EPB41: variants seen among roughly 807,000 people sequenced by gnomAD.
EPB41 encodes erythrocyte membrane protein band 4.1.
EPB41 carries 65 observed loss-of-function variants against 108.0 expected under a neutral mutation model. The ratio of observed to expected loss-of-function variants is 0.60; its 90% CI spans 0.49 to 0.74. The LOEUF (loss-of-function observed/expected upper bound fraction) is 0.74. Ranked by LOEUF, EPB41 falls within the 30% of genes least tolerant of loss-of-function variation. The probability of loss-of-function intolerance (pLI) is 0.00; values close to 1 mark genes in which losing one functional copy is unlikely to be tolerated. For synonymous variants in EPB41, 336 were observed against 358.9 expected (o/e 0.94, Z 0.72); for missense variants, 875 against 1,037.0 (o/e 0.84, Z 2.15).
chr1:28,994,035 C>CTT (rs1410983506), intron 3 of EPB41, among the ~76,000 whole-genome samples: 1 of 152,052 alleles, frequency 6.6e-6, no homozygotes, highest in African/African-American at 2.4e-5. Flanking sequence ...ATGAGTAAGT[C>CTT]TTTAAGTCCA....
intron 3 of EPB41, among the ~76,000 whole-genome samples, chr1:28,996,962 G>A (rs1024117747): frequency 2.0e-5 from 3 of 152,084 alleles, no homozygotes; most frequent in Non-Finnish European, 2.9e-5. Context: ...AAACCAGCCC[G>A]GGCAACATAA....
At chr1:29,099,537 C>T (rs1184175564) in intron 17 of EPB41, among the ~76,000 whole-genome samples, 2 of 152,124 alleles carry the variant, frequency 1.3e-5, no homozygotes, top group Non-Finnish European at 1.5e-5. Context: ...TGGCTGATCT[C>T]AAATTCCTGG....
At chr1:28,962,695 A>G (rs1270266591) in intron 1 of EPB41, among the ~76,000 whole-genome samples, 3 of 151,112 alleles carry the variant, frequency 2.0e-5, no homozygotes, top group African/African-American at 7.4e-5. Context: ...GGATTTGACT[A>G]GGTTAGAACT....
chr1:28,975,697 G>A (rs1025837639), intron 1 of EPB41, among the ~76,000 whole-genome samples: 1 of 152,038 alleles, frequency 6.6e-6, no homozygotes, highest in Non-Finnish European at 1.5e-5. Flanking sequence ...GGCCAGGCGC[G>A]GTGGCTCACG....
chr1:29,022,401 A>G (rs2150127621), intron 7 of EPB41, among the ~76,000 whole-genome samples: 1 of 149,488 alleles, frequency 6.7e-6, no homozygotes, highest in Non-Finnish European at 1.5e-5. Context: ...AGAAACTGCC[A>G]TTGATAAGTT....
intron 15 of EPB41, among the ~76,000 whole-genome samples, chr1:29,062,041 G>A (rs932395139): frequency 3.3e-5 from 5 of 152,160 alleles, no homozygotes; most frequent in African/African-American, 9.7e-5. Flanking sequence ...TGTATTGCGT[G>A]GTGGGTGAAA....
At chr1:29,057,373 C>CAACA (rs1645690614) in intron 12 of EPB41, among the ~76,000 whole-genome samples, 3 of 65,294 alleles carry the variant, frequency 4.6e-5, no homozygotes, top group Non-Finnish European at 8.7e-5. Context: ...GACTCTGTCT[C>CAACA]AAAAAAAAAA....
intron 1 of EPB41, among the ~76,000 whole-genome samples, chr1:28,925,804 T>C (rs1216308837): frequency 6.6e-6 from 1 of 152,196 alleles, no homozygotes; most frequent in East Asian, 1.9e-4. Context: ...TTATTGCCTG[T>C]GTTAATGACT....
chr1:28,989,479 A>C lies in EPB41; in HGVS notation c.468+1574A>C, dbSNP rs1009303782. ...CTGACAGTGTTGGGGGGAAAAAAGT[A>C]AAAGTCCTACATGTTTCTATTATAG... On this transcript the variant is annotated intron_variant, in intron 2 of 20. Transcript: ENST00000343067. The C allele has an allele frequency of 1.4e-4, 108 of 749,270 alleles. 1 individual carries two copies. The African/African-American group carries it at 1.8e-3, about 13-fold the overall frequency. 46.4% of individuals were successfully genotyped at this position (749,270 alleles called of 1,614,324 possible).
intron 16 of EPB41, among the ~76,000 whole-genome samples, chr1:29,083,531 T>C (rs1461593608): frequency 6.6e-6 from 1 of 152,222 alleles, no homozygotes; most frequent in Non-Finnish European, 1.5e-5. Flanking sequence ...CTGCTTGACT[T>C]GTCATCTTTA....
At chr1:28,971,905 CT>C (rs1334210325) in intron 1 of EPB41, among the ~76,000 whole-genome samples, 8 of 151,834 alleles carry the variant, frequency 5.3e-5, no homozygotes, top group Admixed American at 3.3e-4. Flanking sequence ...CACTTTGACA[CT>C]TTTTTTTCTT....
chr1:29,077,227 T>C (rs941448383), intron 16 of EPB41, among the ~76,000 whole-genome samples: 2 of 152,158 alleles, frequency 1.3e-5, no homozygotes, highest in African/African-American at 4.8e-5. Flanking sequence ...TATACCCTTA[T>C]GGTAGGTGTC....
rs1368659415 is a variant in EPB41 at position 29,119,955 on chromosome 1, C to A, written c.*3143C>A. On this transcript the variant is annotated 3_prime_UTR_variant, in exon 21 of 21. Transcript: ENST00000343067. ...AATCAAGTCTGCTGTTTTGGCCTTT[C>A]GTAGTAGAAGTGGTTGTAGTGTTTA... The A allele has an allele frequency of 6.6e-6, 1 of 152,588 alleles. No homozygotes were observed. Among genetic ancestry groups the A allele is most frequent in the Admixed American group, 6.5e-5 (1 of 15,270 alleles). 9.5% of individuals were successfully genotyped at this position (152,588 alleles called of 1,614,324 possible). A position where few individuals can be genotyped will look rare whatever the true frequency, so the allele number is the denominator to read the frequency against.
chr1:29,053,284 C>T lies in EPB41; in HGVS notation c.1817C>T (p.Ala606Val), dbSNP rs1644824732. ...AAGGAAGACGAGCCACCTGAGCAAG[C>T]TGAGCCAGAGCCCACAGAAGCATGG... ...VKKEDEPPEQ[A>V]EPEPTEAWKV... The change falls in exon 12 of 21, where the codon GCT becomes GTT. Residue 606 changes from alanine to valine, a missense_variant. Transcript: ENST00000343067. 1 of 1,614,068 alleles carries T rather than the reference C, an allele frequency of 6.2e-7. No individual in the cohort carries two copies. The highest frequency in any genetic ancestry group is 8.5e-7 in the Non-Finnish European group (1 of 1,180,044).
At chr1:28,960,001 CTT>C (rs776338332) in intron 1 of EPB41, among the ~76,000 whole-genome samples, 26 of 128,188 alleles carry the variant, frequency 2.0e-4, no homozygotes, top group Non-Finnish European at 2.5e-4. Flanking sequence ...TTTTTCTTTT[CTT>C]TTTTTTTTTT....
intron 12 of EPB41, among the ~76,000 whole-genome samples, chr1:29,056,125 T>G (rs1434998809): frequency 2.7e-5 from 4 of 150,904 alleles, no homozygotes; most frequent in African/African-American, 9.8e-5. Flanking sequence ...TCTCAGCTAC[T>G]CGGGAGGCCG....
Position 28,997,250 on chromosome 1 carries a change from A to T in EPB41, c.717A>T (p.Val239=), listed in dbSNP as rs369527719. Residue 239 remains valine, a synonymous_variant, in exon 4 of 21, where the codon GTA becomes GTT. Transcript: ENST00000343067. The part of the protein sequence containing the change: ...HAKGQDLLKR[V]CEHLNLLEED... ...AGGGACAAGATTTGCTTAAACGAGT[A>T]TGTGAGCATCTCAATCTTTTGGAAG... The T allele has an allele frequency of 3.1e-6, 5 of 1,614,060 alleles. No individual in the cohort carries two copies. In the African/African-American group the frequency reaches 6.7e-5, roughly 22 times the overall value.
chr1:29,038,842 T>C (rs1640461611), intron 10 of EPB41, among the ~76,000 whole-genome samples: 1 of 152,226 alleles, frequency 6.6e-6, no homozygotes, highest in South Asian at 2.1e-4. Flanking sequence ...AAAACTGTCA[T>C]TCCAGGAGAG....
intron 7 of EPB41, among the ~76,000 whole-genome samples, chr1:29,023,057 T>C (rs2096666572): frequency 6.6e-6 from 1 of 151,578 alleles, no homozygotes. Context: ...TGCAATAGTG[T>C]GATCTCGGCT....
Sources: allele counts gnomAD v4.1 joint callset (sites outside exome capture counted in the v4.1 genomes callset), GRCh38; gene constraint gnomAD v4.1.1; transcripts MANE v1.5; gene names NCBI Gene and HGNC (gene_info 2026-07-23, HGNC 2026-07-21).